PLEKHG4B: variants seen among roughly 807,000 people sequenced by gnomAD.
The protein encoded by PLEKHG4B is pleckstrin homology domain-containing family G member 4B.
A neutral mutation model predicts 121.3 loss-of-function variants in PLEKHG4B; 111 were observed. The observed-to-expected ratio is 0.92, with a 90% CI of 0.78 to 1.07. PLEKHG4B has a LOEUF of 1.07. PLEKHG4B is among the 50% of genes least tolerant of loss of function. PLEKHG4B has a pLI of 0.00. For synonymous variants in PLEKHG4B, 738 were observed against 725.0 expected, an observed-to-expected ratio of 1.02 and a Z score of -0.29; for missense variants, 1,831 against 1,757.8, an observed-to-expected ratio of 1.04 and a Z score of -0.74.
intron 1 of PLEKHG4B, among the ~76,000 whole-genome samples, chr5:107,191 G>A (rs1733999350): frequency 6.6e-6 from 1 of 152,198 alleles, no homozygotes; most frequent in Non-Finnish European, 1.5e-5. Context: ...GGAGGTGCCA[G>A]CCCTGCTGAG....
chr5:151,429 G>A, intron 6 of PLEKHG4B, 84 bp from the exon 7 acceptor site: 1 of 841,378 alleles, frequency 1.2e-6, no homozygotes, highest in Non-Finnish European at 1.8e-6. Context: ...GACAGAAGTA[G>A]TACCACTCAA....
In PLEKHG4B at chr5:154,967, T is replaced by TG; in HGVS notation, c.2087dup (p.Asp697Ter). 6.2e-7 allele frequency: 1 copy of TG among 1,613,396 alleles called. No homozygotes were observed. Among genetic ancestry groups the TG allele is most frequent in the Non-Finnish European group, 8.5e-7 (1 of 1,180,034 alleles). On this transcript the variant is annotated frameshift_variant, in exon 8 of 20. Transcript: ENST00000637938. LOFTEE classifies it high-confidence loss of function. ...TCGACGGCTCCTTTCCCTACAGCCA[T>TG]GGTGACTGGATCTGCTTCCGTCAGG...
intron 18 of PLEKHG4B, among the ~76,000 whole-genome samples, chr5:179,183 T>C (rs932624211): frequency 6.6e-6 from 1 of 152,238 alleles, no homozygotes; most frequent in African/African-American, 2.4e-5. Context: ...GAGATACGTC[T>C]CTTGTAAAAG....
intron 2 of PLEKHG4B, among the ~76,000 whole-genome samples, chr5:123,042 AAT>A (rs1160112341): frequency 6.6e-6 from 1 of 152,256 alleles, no homozygotes; most frequent in Non-Finnish European, 1.5e-5. Context: ...GAACAACGTT[AAT>A]AATAAACTTG....
At position 156,249 on chromosome 5, in the gene PLEKHG4B, C is replaced by T. The variant is rs917994288; in HGVS notation, c.2348+39C>T. The stretch of plus-strand genomic sequence containing the variant: ...GGGGTCATGCTGGGCCCTGGCCCAT[C>T]GAGGGAGCTGCTCGGGGGAGTTTGC... On this transcript the variant is annotated intron_variant, in intron 10 of 19. Coordinates refer to ENST00000637938, the MANE Select transcript of PLEKHG4B (RefSeq NM_052909.5). The surrounding 1 kb of genome is among the most constrained non-coding windows in gnomAD (Gnocchi z 4.4). 2.1e-6 allele frequency: 3 copies of T among 1,402,670 alleles called. No individual in the cohort carries two copies. Among genetic ancestry groups the T allele is most frequent in the Middle Eastern group, 2.0e-4 (1 of 5,074 alleles). 86.9% of individuals were successfully genotyped at this position (1,402,670 alleles called of 1,614,324 possible).
At chr5:107,964 C>T (rs1461041996) in intron 1 of PLEKHG4B, among the ~76,000 whole-genome samples, 2 of 152,144 alleles carry the variant, frequency 1.3e-5, no homozygotes, top group African/African-American at 4.8e-5. Context: ...CTTTCTGGCA[C>T]AGTAACCACA....
chr5:95,504 G>A (rs536270688), intron 1 of PLEKHG4B, among the ~76,000 whole-genome samples: 7 of 152,216 alleles, frequency 4.6e-5, no homozygotes, highest in South Asian at 2.1e-4. Flanking sequence ...TCGTTTACCC[G>A]GGCAGCACTG....
chr5:164,533 AGG>A lies in PLEKHG4B; in HGVS notation c.3476+989_3476+990del, dbSNP rs1217477189. 2.8e-4 allele frequency among the ~76,000 whole-genome samples: 6 copies of A among 21,298 alleles called. 1 individual carries two copies. Among genetic ancestry groups the A allele is most frequent in the Non-Finnish European group, 8.6e-4 (6 of 7,014 alleles). The allele number at this position is 21,298 out of a possible 152,430, so 14.0% of individuals were successfully genotyped here. ...GGAGCTCACACAGTAATGCTGTGAC[AGG>A]GGGCGGAGCTCACACAGTAATGCTC... On this transcript the variant is annotated intron_variant, in intron 13 of 19. Transcript: ENST00000637938.
rs770768423 is a variant in PLEKHG4B at position 183,983 on chromosome 5, A to AGAT, written c.*1661_*1663dup. ...TATATATACAGACAGATAGATAGAT[A>AGAT]GATAGATCGATAGATAGATAGATAG... is the stretch of plus-strand genomic sequence containing the variant. On this transcript the variant is annotated 3_prime_UTR_variant, in exon 20 of 20. Coordinates refer to ENST00000637938, the MANE Select transcript of PLEKHG4B (RefSeq NM_052909.5). 2.4e-5 allele frequency: 2 copies of AGAT among 83,090 alleles called. No individual in the cohort carries two copies. The highest frequency in any genetic ancestry group is 2.3e-4 in the Admixed American group (2 of 8,658). The allele number at this position is 83,090 out of a possible 1,614,324, so 5.1% of individuals were successfully genotyped here.
chr5:121,682 C>T (rs1345355736), intron 2 of PLEKHG4B, among the ~76,000 whole-genome samples: 3 of 151,810 alleles, frequency 2.0e-5, no homozygotes, highest in African/African-American at 7.3e-5. Context: ...CACTGGGCTT[C>T]AGAAGACAAT....
intron 1 of PLEKHG4B, among the ~76,000 whole-genome samples, chr5:96,698 C>G (rs1733635815): frequency 6.6e-6 from 1 of 152,096 alleles, no homozygotes; most frequent in Admixed American, 6.5e-5. Flanking sequence ...TCCATGGCAG[C>G]AACCCAGAGA....
In PLEKHG4B at chr5:155,369, T is replaced by G. The variant is rs755686177; in HGVS notation, c.2134T>G (p.Cys712Gly). 6.2e-7 allele frequency: 1 copy of G among 1,614,210 alleles called. No homozygotes were observed. The highest frequency in any genetic ancestry group is 1.1e-5 in the South Asian group (1 of 91,088). Residue 712 changes from cysteine to glycine, a missense_variant, in exon 9 of 20, where the codon TGT becomes GGT. By Grantham distance (159) the Cys-to-Gly change is radical. Transcript: ENST00000637938. ...GAGGCTGGAACACTTCGCTGCAAAC[T>G]GTGAAGAAGCCATCATTTTCCTACA... is the stretch of plus-strand genomic sequence containing the variant. ...RQRLEHFAANCEEAIIFLQNS... is the reference protein window; with the variant it reads ...RQRLEHFAANGEEAIIFLQNS...
chr5:181,729 C>A, intron 19 of PLEKHG4B, 54 bp downstream of exon 19: 1 of 1,571,324 alleles, frequency 6.4e-7, no homozygotes. Context: ...CTGGGCCTGT[C>A]ATCAAGGGCA....
At chr5:155,209 G>A in intron 8 of PLEKHG4B, 136 bp from the exon 9 acceptor site, 1 of 881,860 alleles carries the variant, frequency 1.1e-6, no homozygotes, top group Non-Finnish European at 1.8e-6. Context: ...AGTGTCTGTA[G>A]ATCTCAGGGA....
Position 174,159 on chromosome 5 carries a change from G to A in PLEKHG4B, c.4402+61G>A, listed in dbSNP as rs1175988183. On this transcript the variant is annotated intron_variant, in intron 18 of 19. Coordinates refer to ENST00000637938, the MANE Select transcript of PLEKHG4B (RefSeq NM_052909.5). ...AGGGGCACAGCTAGGGGCAGGGGTC[G>A]GGGCTGGGACTGGGGTGAGAGCCAG... The A allele has an allele frequency of 2.1e-5, 27 of 1,270,948 alleles. 2 individuals are homozygous for A. Among genetic ancestry groups the A allele is most frequent in the Middle Eastern group, 2.8e-4 (1 of 3,588 alleles). The allele number at this position is 1,270,948 out of a possible 1,614,324, so 78.7% of individuals were successfully genotyped here.
chr5:116,777 G>A (rs1014206760), intron 2 of PLEKHG4B, among the ~76,000 whole-genome samples: 10 of 152,234 alleles, frequency 6.6e-5, no homozygotes, highest in African/African-American at 2.2e-4. Context: ...TATTAGACTC[G>A]TTGAGTGTCT....
intron 18 of PLEKHG4B, among the ~76,000 whole-genome samples, chr5:176,190 A>G (rs1459789127): frequency 8.6e-6 from 1 of 116,566 alleles, no homozygotes; most frequent in Non-Finnish European, 2.2e-5. Context: ...GCAGCCCCCA[A>G]CAGCAGTTAC....
At chr5:123,148 A>C (rs1487323026) in intron 2 of PLEKHG4B, among the ~76,000 whole-genome samples, 1 of 152,182 alleles carries the variant, frequency 6.6e-6, no homozygotes, top group African/African-American at 2.4e-5. Context: ...AATAAACTAC[A>C]TACTGTAGAT....
chr5:116,274 GT>G (rs1734304935), intron 2 of PLEKHG4B, among the ~76,000 whole-genome samples: 1 of 152,170 alleles, frequency 6.6e-6, no homozygotes, highest in Non-Finnish European at 1.5e-5. Flanking sequence ...TATTGATTAA[GT>G]TTGCTGTCTT....
Sources: gnomAD v4.1 joint callset for allele counts (sites outside exome capture counted in the v4.1 genomes callset) on GRCh38, gnomAD v4.1.1 for gene constraint, Gnocchi (gnomAD v3.1) non-coding constraint, MANE v1.5 for transcripts, NCBI Gene and HGNC (gene_info 2026-07-23, HGNC 2026-07-21) for gene names.